Variants in AP3S2 observed in about 807,000 individuals in gnomAD.
AP3S2 encodes AP-3 complex subunit sigma-2.
A neutral mutation model predicts 23.4 loss-of-function variants in AP3S2; 22 were observed. The observed-to-expected ratio is 0.94, with a 90% CI of 0.67 to 1.34. The LOEUF is 1.34. Ranked by LOEUF, AP3S2 falls within the 40% of genes most tolerant of loss-of-function variation. The pLI is 0.00. For missense variants in AP3S2, 241 were observed against 236.9 expected, an observed-to-expected ratio of 1.02 and a Z score of -0.11; for synonymous variants, 86 against 87.1, an observed-to-expected ratio of 0.99 and a Z score of 0.07.
In AP3S2 at chr15:89,893,788, A is replaced by G. The variant is rs1596227831; in HGVS notation, c.69+93T>C. 1.1e-5 allele frequency: 15 copies of G among 1,311,250 alleles called. No homozygotes were observed. In the East Asian group the frequency reaches 2.3e-4, roughly 20 times the overall value. 81.2% of individuals were successfully genotyped at this position (1,311,250 alleles called of 1,614,324 possible). On this transcript the variant is annotated intron_variant, in intron 1 of 5. Coordinates refer to ENST00000336418, the MANE Select transcript of AP3S2 (RefSeq NM_005829.5). ...CTCGGTGCAGGAGCCCCAGGTGACC[A>G]AAGAGCGGTGCCCCCGGGCGCCGAG... is the stretch of plus-strand genomic sequence containing the variant.
intron 4 of AP3S2, among the ~76,000 whole-genome samples, chr15:89,855,963 AAAAAAG>A (rs1895824440): frequency 1.3e-5 from 2 of 151,040 alleles, no homozygotes; most frequent in South Asian, 2.1e-4. Context: ...AAAAAAAAAA[AAAAAAG>A]AATCAATGAA....
At chr15:89,868,904 G>T (rs1306445089) in intron 4 of AP3S2, among the ~76,000 whole-genome samples, 4 of 144,550 alleles carry the variant, frequency 2.8e-5, no homozygotes, top group Non-Finnish European at 6.1e-5. Flanking sequence ...TGGGAAGTGA[G>T]GAGCCCCTCT....
chr15:89,845,675 G>C (rs897164334), intron 4 of AP3S2: 5 of 152,188 alleles, frequency 3.3e-5, no homozygotes, highest in Admixed American at 3.3e-4. Context: ...GACAGATAAA[G>C]TCACAAACCA....
rs1411528846 is a variant in AP3S2, at chr15:89,868,944, G to A, written c.345+2531C>T. ...GGCCAGCCGCCCCGTCCGGGAGGGAGGTGGGGGGGTCAGCCCCCTGCCCGG... is the reference window on the plus strand; with the variant it reads ...GGCCAGCCGCCCCGTCCGGGAGGGAAGTGGGGGGGTCAGCCCCCTGCCCGG... On this transcript the variant is annotated intron_variant, in intron 4 of 5. Coordinates refer to ENST00000336418, the MANE Select transcript of AP3S2 (RefSeq NM_005829.5). 3.4e-4 allele frequency among the ~76,000 whole-genome samples: 49 copies of A among 145,410 alleles called. No individual in the cohort carries two copies. The South Asian group carries it at 9.9e-3, about 29-fold the overall frequency.
chr15:89,878,222 A>G (rs112555425), intron 3 of AP3S2: 4 of 595,942 alleles, frequency 6.7e-6, no homozygotes, highest in Admixed American at 3.4e-5. Context: ...TCTCCAAAGG[A>G]AAAAAAAAAC....
In AP3S2 at chr15:89,835,248, A is replaced by G. The variant is rs950251483; in HGVS notation, c.*267T>C. 1 of 530,776 alleles carries G rather than the reference A, an allele frequency of 1.9e-6. No individual in the cohort carries two copies. Among genetic ancestry groups the G allele is most frequent in the African/African-American group, 1.9e-5 (1 of 51,826 alleles). The allele number at this position is 530,776 out of a possible 1,614,324, so 32.9% of individuals were successfully genotyped here. ...AATGACTTGGGCATGTTGACTCCCT[A>G]CTGAGGAAGGCAGGGCCCCTCACAT... On this transcript the variant is annotated 3_prime_UTR_variant, in exon 6 of 6. Coordinates refer to ENST00000336418, the MANE Select transcript of AP3S2 (RefSeq NM_005829.5).
At chr15:89,866,873 A>G (rs1194672364) in intron 4 of AP3S2, among the ~76,000 whole-genome samples, 1 of 152,144 alleles carries the variant, frequency 6.6e-6, no homozygotes, top group Non-Finnish European at 1.5e-5. Flanking sequence ...GGTGCCTGAT[A>G]AAAAAGACAG....
intron 3 of AP3S2, among the ~76,000 whole-genome samples, chr15:89,880,669 G>A (rs1376467470): frequency 5.7e-5 from 5 of 87,002 alleles, no homozygotes; most frequent in South Asian, 7.4e-4. Flanking sequence ...GCAAGACTCC[G>A]TCTCAAAAAA....
In AP3S2 at chr15:89,868,820, G is replaced by A. The variant is rs1227392321; in HGVS notation, c.345+2655C>T. 2.7e-5 allele frequency among the ~76,000 whole-genome samples: 3 copies of A among 111,876 alleles called. No individual in the cohort carries two copies. The South Asian group carries it at 9.1e-4, about 34-fold the overall frequency. The allele number at this position is 111,876 out of a possible 152,430, so 73.4% of individuals were successfully genotyped here. A position where few individuals can be genotyped will look rare whatever the true frequency, so the allele number is the denominator to read the frequency against. ...CAGCCGCCCCGTCCGGGAGGGAGGT[G>A]GGGGGGTCAGCCCCCTGCCCGGCCA... On this transcript the variant is annotated intron_variant, in intron 4 of 5. Transcript: ENST00000336418.
At chr15:89,891,083 C>T (rs1896809978) in intron 1 of AP3S2, among the ~76,000 whole-genome samples, 1 of 152,120 alleles carries the variant, frequency 6.6e-6, no homozygotes, top group Non-Finnish European at 1.5e-5. Context: ...GAACTAAAGC[C>T]TTTTATCTGA....
rs1895168223 is a variant in AP3S2, at chr15:89,835,565, T to C, written c.532A>G (p.Asn178Asp). 1 of 1,613,930 alleles carries C rather than the reference T, an allele frequency of 6.2e-7. No homozygotes were observed. The highest frequency in any genetic ancestry group is 8.5e-7 in the Non-Finnish European group (1 of 1,180,034). Reference sequence around the variant, plus strand: ...ACTTTGATGTTGAGATCGCCAATGTTGATGTTCCGAGGAATCTCTGGCAGG... The same window carrying C: ...ACTTTGATGTTGAGATCGCCAATGTCGATGTTCCGAGGAATCTCTGGCAGG... Reference protein sequence around the residue: ...INLPEIPRNINIGDLNIKVPN... With the variant: ...INLPEIPRNIDIGDLNIKVPN... The change falls in exon 6 of 6, where the codon AAC becomes GAC. Residue 178 changes from asparagine to aspartate, a missense_variant. Asn to Asp is a conservative substitution (Grantham distance 23). Transcript: ENST00000336418.
At chr15:89,860,324 T>C (rs369618503) in intron 4 of AP3S2, among the ~76,000 whole-genome samples, 1 of 152,278 alleles carries the variant, frequency 6.6e-6, no homozygotes, top group South Asian at 2.1e-4. Context: ...TATGACAATA[T>C]GCCAGCATCA....
At chr15:89,869,012 C>T (rs1596209167) in intron 4 of AP3S2, among the ~76,000 whole-genome samples, 4 of 150,700 alleles carry the variant, frequency 2.7e-5, no homozygotes, top group South Asian at 4.2e-4. Flanking sequence ...TCTGCCTGGC[C>T]GCCCCTACTG....
chr15:89,855,529 A>C (rs1895806866), intron 4 of AP3S2, among the ~76,000 whole-genome samples: 1 of 116,072 alleles, frequency 8.6e-6, no homozygotes, highest in African/African-American at 3.3e-5. Flanking sequence ...TCAATAAAAG[A>C]ATAAATTAAA....
At chr15:89,877,441 G>A (rs12440156) in intron 3 of AP3S2, 921,104 of 1,253,338 alleles carry the variant, frequency 0.73, 339,400 homozygotes, top group Admixed American at 0.82. Flanking sequence ...TAAAATACAC[G>A]TAACATAAAA....
At chr15:89,849,523 C>A (rs553209838) in intron 4 of AP3S2, among the ~76,000 whole-genome samples, 5 of 152,094 alleles carry the variant, frequency 3.3e-5, no homozygotes, top group Admixed American at 1.3e-4. Context: ...CCCACCACCA[C>A]GCCCGGCTAA....
At chr15:89,836,654 A>T (rs747741549) in intron 5 of AP3S2, among the ~76,000 whole-genome samples, 1 of 151,834 alleles carries the variant, frequency 6.6e-6, no homozygotes, top group Admixed American at 6.6e-5. Context: ...TCTCACAATC[A>T]TTTTTCCCCT....
chr15:89,892,275 G>C (rs1176636086), intron 1 of AP3S2, among the ~76,000 whole-genome samples: 2 of 152,206 alleles, frequency 1.3e-5, no homozygotes, highest in African/African-American at 4.8e-5. Context: ...CTAATGGGCA[G>C]AGGTTTCTTT....
chr15:89,850,120 A>C (rs1042721352), intron 4 of AP3S2, among the ~76,000 whole-genome samples: 3 of 152,222 alleles, frequency 2.0e-5, no homozygotes, highest in African/African-American at 7.2e-5. Context: ...AGCTCTGAAG[A>C]AAGCAAGCCA....
Sources: gnomAD v4.1 joint callset for allele counts (sites outside exome capture counted in the v4.1 genomes callset) on GRCh38, gnomAD v4.1.1 for gene constraint, MANE v1.5 for transcripts, NCBI Gene and HGNC (gene_info 2026-07-23, HGNC 2026-07-21) for gene names.